NVL: variants seen among roughly 807,000 people sequenced by gnomAD.
The protein encoded by NVL is nuclear valosin-containing protein-like.
Under a neutral mutation model 110.2 loss-of-function variants are expected in NVL, and 84 were observed. The observed-to-expected ratio is 0.76, with a 90% confidence interval of 0.64 to 0.91. The LOEUF (loss-of-function observed/expected upper bound fraction) is 0.91. NVL is among the 40% of genes least tolerant of loss of function. The pLI is 0.00. For synonymous variants in NVL, 354 were observed against 361.1 expected, an observed-to-expected ratio of 0.98 and a Z score of 0.22; for missense variants, 882 against 1,035.9, an observed-to-expected ratio of 0.85 and a Z score of 2.04.
intron 18 of NVL, among the ~76,000 whole-genome samples, chr1:224,259,405 C>A (rs968718599): frequency 6.6e-6 from 1 of 151,600 alleles, no homozygotes; most frequent in Non-Finnish European, 1.5e-5. Flanking sequence ...TGCAAATATT[C>A]TAAGATTAGA....
chr1:224,294,472 T>C, intron 11 of NVL, 61 bp from the exon 12 acceptor site: 2 of 1,532,702 alleles, frequency 1.3e-6, no homozygotes, highest in Non-Finnish European at 9.0e-7. Context: ...CAATAATGGT[T>C]ACAGAATCAT....
intron 18 of NVL, among the ~76,000 whole-genome samples, chr1:224,251,804 T>C (rs1662538948): frequency 6.6e-6 from 1 of 151,926 alleles, no homozygotes; most frequent in African/African-American, 2.4e-5. Flanking sequence ...GTTTCTCCCT[T>C]CCCTCTAACC....
chr1:224,288,005 C>T lies in NVL; in HGVS notation c.1576-12G>A. On this transcript the variant is annotated splice_polypyrimidine_tract_variant and intron_variant, in intron 13 of 22. Transcript: ENST00000281701. ...CTTTGTAATTCATCCTTGAAGGGAA[C>T]AATAGAGGGGAAAAAAATAAAGAAA... 3.1e-6 allele frequency: 5 copies of T among 1,593,506 alleles called. No homozygotes were observed. The highest frequency in any genetic ancestry group is 4.3e-6 in the Non-Finnish European group (5 of 1,164,212).
rs1179219213 is a variant in NVL, at chr1:224,272,931, G to A, written c.2082+2408C>T. 3.6e-4 allele frequency among the ~76,000 whole-genome samples: 54 copies of A among 148,414 alleles called. 1 individual carries two copies. The highest frequency in any genetic ancestry group is 5.7e-4 in the Non-Finnish European group (38 of 66,792). ...CGCCTGTAGTCCCAGCTACTTGGGA[G>A]GCTGAGGCAGGAGAATGGCGTGAAC... is the stretch of plus-strand genomic sequence containing the variant. On this transcript the variant is annotated intron_variant, in intron 17 of 22. Coordinates refer to ENST00000281701, the MANE Select transcript of NVL (RefSeq NM_002533.4).
intron 19 of NVL, among the ~76,000 whole-genome samples, chr1:224,241,284 C>T (rs891256816): frequency 1.3e-5 from 2 of 151,998 alleles, no homozygotes; most frequent in Non-Finnish European, 2.9e-5. Context: ...TCTATTTATT[C>T]TCAAGTGAGA....
intron 8 of NVL, 63 bp downstream of exon 8, chr1:224,304,673 C>T: frequency 7.2e-7 from 1 of 1,382,310 alleles, no homozygotes; most frequent in South Asian, 1.2e-5. Context: ...AAGAGGTAGG[C>T]TTTTTCCTCA....
intron 12 of NVL, among the ~76,000 whole-genome samples, chr1:224,290,782 A>G (rs1330070393): frequency 1.3e-5 from 2 of 149,140 alleles, no homozygotes; most frequent in Non-Finnish European, 3.0e-5. Context: ...AGCCTGGGCA[A>G]CAGAGCGAGA....
At chr1:224,289,790 T>G (rs1052418879) in intron 12 of NVL, 57 bp from the exon 13 acceptor site, 5 of 1,521,560 alleles carry the variant, frequency 3.3e-6, no homozygotes, top group Non-Finnish European at 2.7e-6. Context: ...TAAAAACAAG[T>G]CACCAACTAT....
chr1:224,313,089 G>A lies in NVL; in HGVS notation c.285-1232C>T, dbSNP rs7524485. The A allele has an allele frequency of 2.8e-3, 1,088 of 390,668 alleles. 10 individuals are homozygous for A. The highest frequency in any genetic ancestry group is 0.021 in the African/African-American group (975 of 47,500). The allele number at this position is 390,668 out of a possible 1,614,324, so 24.2% of individuals were successfully genotyped here. Reference sequence around the variant, plus strand: ...TGGGAGGATCGCTTGGGCCTGGGACGTCAAGACTGCGGTAAGCCATGATTG... The same window carrying A: ...TGGGAGGATCGCTTGGGCCTGGGACATCAAGACTGCGGTAAGCCATGATTG... On this transcript the variant is annotated intron_variant, in intron 4 of 22. Coordinates refer to ENST00000281701, the MANE Select transcript of NVL (RefSeq NM_002533.4).
chr1:224,327,335 T>C (rs1325929138), intron 1 of NVL, among the ~76,000 whole-genome samples: 5 of 151,874 alleles, frequency 3.3e-5, no homozygotes, highest in Non-Finnish European at 5.9e-5. Context: ...CCCAGCTACA[T>C]GGGAGGCTGA....
intron 11 of NVL, among the ~76,000 whole-genome samples, chr1:224,294,892 T>C (rs1458271217): frequency 6.6e-6 from 1 of 152,178 alleles, no homozygotes; most frequent in African/African-American, 2.4e-5. Flanking sequence ...GCATGGCACA[T>C]CCAGGCAAGG....
chr1:224,285,939 T>C, intron 15 of NVL, 87 bp downstream of exon 15: 2 of 966,840 alleles, frequency 2.1e-6, no homozygotes, highest in Non-Finnish European at 3.2e-6. Flanking sequence ...GCATAAGACT[T>C]ACCTCACTGT....
chr1:224,268,660 G>C (rs1664739256), intron 17 of NVL, among the ~76,000 whole-genome samples: 1 of 147,568 alleles, frequency 6.8e-6, no homozygotes, highest in Non-Finnish European at 1.5e-5. Context: ...TTGTTTGTTT[G>C]TTTGTTTTGT....
chr1:224,262,644 G>C (rs1370962493), intron 18 of NVL, among the ~76,000 whole-genome samples: 7 of 152,210 alleles, frequency 4.6e-5, no homozygotes, highest in African/African-American at 1.4e-4. Context: ...GAAAGCTCCA[G>C]AGGGAGGTCT....
chr1:224,302,222 G>C (rs916448950), intron 9 of NVL, among the ~76,000 whole-genome samples: 1 of 151,008 alleles, frequency 6.6e-6, no homozygotes, highest in African/African-American at 2.4e-5. Context: ...TTTTTTTTGA[G>C]ATAGAGTCTG....
At chr1:224,312,351 C>A (rs1669605912) in intron 4 of NVL, among the ~76,000 whole-genome samples, 1 of 152,054 alleles carries the variant, frequency 6.6e-6, no homozygotes, top group South Asian at 2.1e-4. Flanking sequence ...ACAACTTCTG[C>A]AAGACTGTTC....
intron 18 of NVL, among the ~76,000 whole-genome samples, chr1:224,255,447 C>G (rs1490116383): frequency 6.8e-6 from 1 of 147,350 alleles, no homozygotes; most frequent in South Asian, 2.2e-4. Flanking sequence ...CCACCTGGGC[C>G]TCCCAAAGTG....
intron 18 of NVL, 127 bp from the exon 19 acceptor site, chr1:224,250,445 G>A: frequency 1.2e-5 from 9 of 738,064 alleles, no homozygotes; most frequent in South Asian, 2.8e-5. Flanking sequence ...GCTCACTGCA[G>A]CCTCGACCTC....
At chr1:224,261,612 C>T (rs943102785) in intron 18 of NVL, among the ~76,000 whole-genome samples, 11 of 151,996 alleles carry the variant, frequency 7.2e-5, no homozygotes, top group African/African-American at 2.2e-4. Context: ...AAAGGAAGTT[C>T]GCTTATTTCC....
Sources: allele counts gnomAD v4.1 joint callset (sites outside exome capture counted in the v4.1 genomes callset), GRCh38; gene constraint gnomAD v4.1.1; transcripts MANE v1.5; gene names NCBI Gene and HGNC (gene_info 2026-07-23, HGNC 2026-07-21).